Variants in CAPN1 observed in about 807,000 individuals in gnomAD.
CAPN1 encodes the protein calpain 1, also known as calpain-1 catalytic subunit.
A neutral mutation model predicts 105.2 loss-of-function variants in CAPN1; 77 were observed. That is an observed-to-expected ratio of 0.73 (90% confidence interval 0.61 to 0.88). CAPN1 has a LOEUF of 0.88. Ranked by LOEUF, CAPN1 falls within the 40% of genes least tolerant of loss-of-function variation. CAPN1 has a pLI of 0.00. For missense variants in CAPN1, 833 were observed against 976.6 expected, an observed-to-expected ratio of 0.85 and a Z score of 1.96; for synonymous variants, 355 against 388.8, an observed-to-expected ratio of 0.91 and a Z score of 1.02.
chr11:65,191,245 C>T, intron 10 of CAPN1, among the ~76,000 whole-genome samples: 1 of 152,156 alleles, frequency 6.6e-6, no homozygotes, highest in Middle Eastern at 3.4e-3. Flanking sequence ...ATTTATACAT[C>T]TCTTGAGATT....
intron 10 of CAPN1, among the ~76,000 whole-genome samples, chr11:65,201,719 C>T (rs1374509066): frequency 4.0e-5 from 6 of 151,822 alleles, no homozygotes; most frequent in Middle Eastern, 3.2e-3. Context: ...GGGGTTTCAC[C>T]GTGTTAGCCA....
At chr11:65,181,737 C>T (rs1472489655), upstream of CAPN1, 2 of 250,168 alleles carry the variant, frequency 8.0e-6, no homozygotes, top group Non-Finnish European at 1.6e-5. This position sits in a 1 kb window ranked among gnomAD's most constrained non-coding sequence, Gnocchi z 4.6. Flanking sequence ...TTTGTCCTCT[C>T]GCGGAATTGG....
chr11:65,188,083 GT>G lies in CAPN1; in HGVS notation c.929+45del. ...CTGTCTGGAGTGCCTTGGGGAAACT[GT>G]TAGGTGCCCCGACATTTCTGCTCGG... On this transcript the variant is annotated intron_variant, in intron 8 of 21. Transcript: ENST00000279247. The surrounding 1 kb of genome is among the most constrained non-coding windows in gnomAD (Gnocchi z 5.5). 1.5e-6 allele frequency: 2 copies of G among 1,341,502 alleles called. No homozygotes were observed. Among genetic ancestry groups the G allele is most frequent in the Non-Finnish European group, 2.1e-6 (2 of 971,198 alleles). 83.1% of individuals were successfully genotyped at this position (1,341,502 alleles called of 1,614,324 possible).
At chr11:65,204,989 T>A (rs769539310) in intron 11 of CAPN1, 131 bp downstream of exon 11, 30 of 711,560 alleles carry the variant, frequency 4.2e-5, no homozygotes, top group Non-Finnish European at 6.0e-5. Flanking sequence ...TCCCCTCCAC[T>A]CCCCCCACCA....
intron 10 of CAPN1, among the ~76,000 whole-genome samples, chr11:65,190,275 C>T (rs1948699968): frequency 6.6e-6 from 1 of 152,202 alleles, no homozygotes; most frequent in South Asian, 2.1e-4. Flanking sequence ...CTTAACCCTT[C>T]CCAGTCCAGC....
chr11:65,195,260 G>A (rs1405542821), intron 10 of CAPN1, among the ~76,000 whole-genome samples: 1 of 151,808 alleles, frequency 6.6e-6, no homozygotes, highest in Non-Finnish European at 1.5e-5. Context: ...GACTACAGGT[G>A]CACACTGCCA....
At chr11:65,195,170 C>G (rs1220574416) in intron 10 of CAPN1, among the ~76,000 whole-genome samples, 1 of 139,810 alleles carries the variant, frequency 7.2e-6, no homozygotes, top group East Asian at 2.2e-4. Context: ...AGTGCAGTGG[C>G]GCCATCTCAG....
chr11:65,205,462 C>T (rs1948942588), intron 11 of CAPN1, among the ~76,000 whole-genome samples: 2 of 152,158 alleles, frequency 1.3e-5, no homozygotes, highest in Non-Finnish European at 2.9e-5. Context: ...CGGGGGCTGG[C>T]CTGGAGCCTC....
At chr11:65,203,989 G>C (rs1948911551) in intron 10 of CAPN1, among the ~76,000 whole-genome samples, 1 of 152,158 alleles carries the variant, frequency 6.6e-6, no homozygotes, top group African/African-American at 2.4e-5. Context: ...TTTTAGTCAA[G>C]AAGGTTCTTT....
chr11:65,185,415 G>A (rs189126363), intron 4 of CAPN1, among the ~76,000 whole-genome samples: 12 of 152,052 alleles, frequency 7.9e-5, no homozygotes, highest in East Asian at 5.8e-4. Flanking sequence ...TAATTGTTTC[G>A]TTCAGACCTT....
At chr11:65,185,094 A>G (rs1263968855) in intron 4 of CAPN1, among the ~76,000 whole-genome samples, 3 of 152,052 alleles carry the variant, frequency 2.0e-5, no homozygotes, top group Admixed American at 6.6e-5. Context: ...CTGAAGGTTC[A>G]CTGAAAAATC....
chr11:65,190,939 A>C (rs1440959177), intron 10 of CAPN1, among the ~76,000 whole-genome samples: 1 of 152,004 alleles, frequency 6.6e-6, no homozygotes, highest in Non-Finnish European at 1.5e-5. Flanking sequence ...TTTCAAACTC[A>C]AGTGATCCAC....
At chr11:65,187,824 G>A (rs1170516416) in intron 7 of CAPN1, 131 bp from the exon 8 acceptor site, 22 of 638,022 alleles carry the variant, frequency 3.4e-5, no homozygotes, top group South Asian at 1.3e-4. Context: ...CCCAGGAGGC[G>A]GAGGTTGCAG....
intron 12 of CAPN1, 53 bp from the exon 13 acceptor site, chr11:65,206,410 G>T: frequency 6.8e-7 from 1 of 1,462,722 alleles, no homozygotes; most frequent in Non-Finnish European, 9.5e-7. Context: ...GGTGGCCCCT[G>T]AGGGTGGGCT....
Position 65,210,049 on chromosome 11 carries a change from C to T in CAPN1, c.1895C>T (p.Ser632Leu), listed in dbSNP as rs770520025. Residue 632 changes from serine to leucine, a missense_variant, in exon 19 of 22, where the codon TCG becomes TTG. Transcript: ENST00000279247. The surrounding 1 kb of genome is among the most constrained non-coding windows in gnomAD (Gnocchi z 4.3). The stretch of plus-strand genomic sequence containing the variant: ...TTCCGGAAGTTTGACCTGGACAAGT[C>T]GGGCAGCATGAGTGCCTACGAGATG... Reference protein sequence around the residue: ...SIFRKFDLDKSGSMSAYEMRM... With the variant: ...SIFRKFDLDKLGSMSAYEMRM... 42 of 1,612,838 alleles carry T rather than the reference C, an allele frequency of 2.6e-5. 1 individual carries two copies. The South Asian group carries it at 2.7e-4, about 11-fold the overall frequency.
chr11:65,210,460 TCC>T lies in CAPN1; in HGVS notation c.2059+11_2059+12del. The T allele has an allele frequency of 6.4e-7, 1 of 1,556,528 alleles. No homozygotes were observed. Among genetic ancestry groups the T allele is most frequent in the Non-Finnish European group, 8.8e-7 (1 of 1,130,414 alleles). On this transcript the variant is annotated intron_variant, in intron 20 of 21. Coordinates refer to ENST00000279247, the MANE Select transcript of CAPN1 (RefSeq NM_005186.4). The surrounding 1 kb of genome is among the most constrained non-coding windows in gnomAD (Gnocchi z 4.3). ...GGCTAGAGACCATGTTCCGTGAGTG[TCC>T]CCAACTGCCTCCCACCCTCCAGCTC...
At chr11:65,191,288 T>C (rs1186036686) in intron 10 of CAPN1, among the ~76,000 whole-genome samples, 2 of 152,228 alleles carry the variant, frequency 1.3e-5, no homozygotes, top group African/African-American at 4.8e-5. Flanking sequence ...TTGTTTCTAT[T>C]ATAAATAGTA....
Position 65,209,616 on chromosome 11 carries a change from T to C in CAPN1, c.1794+229T>C, listed in dbSNP as rs957044158. Reference sequence around the variant, plus strand: ...AGGTGGAGCAAGACCTGGGTCCCCATTGACCCTGAGGCTGGTGCTATTTCT... The same window carrying C: ...AGGTGGAGCAAGACCTGGGTCCCCACTGACCCTGAGGCTGGTGCTATTTCT... On this transcript the variant is annotated intron_variant, in intron 17 of 21. Coordinates refer to ENST00000279247, the MANE Select transcript of CAPN1 (RefSeq NM_005186.4). The surrounding 1 kb of genome is among the most constrained non-coding windows in gnomAD (Gnocchi z 4.1). 4.7e-6 allele frequency: 3 copies of C among 636,012 alleles called. No individual in the cohort carries two copies. The highest frequency in any genetic ancestry group is 5.3e-5 in the Admixed American group (2 of 37,398). The allele number at this position is 636,012 out of a possible 1,614,324, so 39.4% of individuals were successfully genotyped here. A position where few individuals can be genotyped will look rare whatever the true frequency, so the allele number is the denominator to read the frequency against.
In CAPN1 at chr11:65,206,824, G is replaced by A. The variant is rs375817528; in HGVS notation, c.1605+5G>A. 170 of 1,610,740 alleles carry A rather than the reference G, an allele frequency of 1.1e-4. No individual in the cohort carries two copies. The highest frequency in any genetic ancestry group is 1.6e-4 in the Middle Eastern group (1 of 6,078). ...CAGGCCAATCTCCCCGATGAGGTGC[G>A]TGGTCCCACCCCACCAGGCCCCGTC... On this transcript the variant is annotated splice_donor_5th_base_variant and intron_variant, in intron 14 of 21. Coordinates refer to ENST00000279247, the MANE Select transcript of CAPN1 (RefSeq NM_005186.4).
Sources: allele counts gnomAD v4.1 joint callset (sites outside exome capture counted in the v4.1 genomes callset), GRCh38; gene constraint gnomAD v4.1.1; non-coding constraint Gnocchi (gnomAD v3.1); transcripts MANE v1.5; gene names NCBI Gene and HGNC (gene_info 2026-07-23, HGNC 2026-07-21).